The following BACH2 variants were observed in gnomAD, a reference collection of about 807,000 sequenced individuals.
The protein encoded by BACH2 is BACH transcriptional regulator 2.
In BACH2, 5 loss-of-function variants were observed where a neutral mutation model predicts 61.8. The observed-to-expected ratio is 0.08, with a 90% CI of 0.04 to 0.17. The LOEUF is 0.17. BACH2 is among the 10% of genes least tolerant of loss of function. The probability of loss-of-function intolerance (pLI) is 1.00; values close to 1 mark genes in which losing one functional copy is unlikely to be tolerated. For missense variants in BACH2, 824 were observed against 1,091.1 expected (o/e 0.76, Z 3.45); for synonymous variants, 446 against 440.1 (o/e 1.01, Z -0.17).
intron 7 of BACH2, among the ~76,000 whole-genome samples, chr6:89,945,183 A>T (rs1417171982): frequency 6.6e-6 from 1 of 152,240 alleles, no homozygotes; most frequent in African/African-American, 2.4e-5. Context: ...TATGGAAATA[A>T]CTGAAAACAT....
At chr6:90,194,831 A>G (rs538633779) in intron 4 of BACH2, among the ~76,000 whole-genome samples, 21 of 152,296 alleles carry the variant, frequency 1.4e-4, no homozygotes, top group African/African-American at 5.1e-4. Context: ...AGATTAAACT[A>G]TGGGAATCTG....
intron 6 of BACH2, among the ~76,000 whole-genome samples, chr6:89,977,194 GATTT>G (rs913811007): frequency 6.6e-5 from 10 of 151,956 alleles, no homozygotes; most frequent in Non-Finnish European, 1.5e-4. Context: ...GCCCTTCTTG[GATTT>G]ATTTGAAAAA....
chr6:90,236,561 T>C (rs1046343609), intron 3 of BACH2, among the ~76,000 whole-genome samples: 1 of 152,182 alleles, frequency 6.6e-6, no homozygotes, highest in Non-Finnish European at 1.5e-5. Context: ...GTTTTGCCTT[T>C]AGAAAGAACA....
At chr6:90,194,394 T>A (rs1768683281) in intron 4 of BACH2, among the ~76,000 whole-genome samples, 1 of 152,290 alleles carries the variant, frequency 6.6e-6, no homozygotes, top group South Asian at 2.1e-4. Context: ...GAGTTATAGT[T>A]CAAAATACCT....
rs1251920354 is a variant in BACH2, at chr6:90,014,476, T to A, written c.-12-5620A>T. Among the ~76,000 whole-genome samples the A allele has an allele frequency of 8.0e-3, 632 of 78,910 alleles. 3 individuals are homozygous for A. Among genetic ancestry groups the A allele is most frequent in the African/African-American group, 0.033 (568 of 17,060 alleles). 51.8% of individuals were successfully genotyped at this position (78,910 alleles called of 152,430 possible). A position where few individuals can be genotyped will look rare whatever the true frequency, so the allele number is the denominator to read the frequency against. On this transcript the variant is annotated intron_variant, in intron 5 of 8. Transcript: ENST00000257749. ...TATATATATATATATATATTTTTTT[T>A]TTTTTTTTTTTTTTTTTAGACAGAT...
At chr6:90,261,904 TCTC>T (rs1307913711) in intron 2 of BACH2, among the ~76,000 whole-genome samples, 2 of 152,238 alleles carry the variant, frequency 1.3e-5, no homozygotes, top group Non-Finnish European at 2.9e-5. Context: ...AGCACCATCA[TCTC>T]CTTATCTCCC....
chr6:90,126,075 G>A (rs1169941784), intron 4 of BACH2, among the ~76,000 whole-genome samples: 5 of 152,210 alleles, frequency 3.3e-5, no homozygotes, highest in Non-Finnish European at 7.3e-5. Context: ...TGTGGGATAT[G>A]AACAGGTGGA....
chr6:90,286,436 T>C (rs987439503), intron 1 of BACH2, among the ~76,000 whole-genome samples: 1 of 152,220 alleles, frequency 6.6e-6, no homozygotes, highest in African/African-American at 2.4e-5. Flanking sequence ...TGTCTGGAAC[T>C]GAGAATACAT....
At chr6:90,140,932 C>A (rs569969012) in intron 4 of BACH2, among the ~76,000 whole-genome samples, 2 of 152,204 alleles carry the variant, frequency 1.3e-5, no homozygotes, top group Non-Finnish European at 2.9e-5. Context: ...GCCATAGATA[C>A]ACTTAGAGAC....
intron 5 of BACH2, among the ~76,000 whole-genome samples, chr6:90,079,900 A>T (rs973452493): frequency 6.6e-6 from 1 of 151,886 alleles, no homozygotes; most frequent in Non-Finnish European, 1.5e-5. Context: ...TTTTCCAGTT[A>T]GTGTTTGTAC....
chr6:90,192,305 CT>C (rs370512757), intron 4 of BACH2, among the ~76,000 whole-genome samples: 6,718 of 143,164 alleles, frequency 0.047, 213 homozygotes, highest in Admixed American at 0.09. Flanking sequence ...TTCTCGATTC[CT>C]TTTTTTTTTT....
chr6:90,204,337 TGAG>T (rs1220480189), intron 4 of BACH2, among the ~76,000 whole-genome samples: 1 of 152,032 alleles, frequency 6.6e-6, no homozygotes, highest in African/African-American at 2.4e-5. Flanking sequence ...ACACCATAAT[TGAG>T]GAGGAGATTC....
At chr6:90,233,609 G>C (rs1770168256) in intron 3 of BACH2, among the ~76,000 whole-genome samples, 1 of 152,194 alleles carries the variant, frequency 6.6e-6, no homozygotes, top group Admixed American at 6.5e-5. Context: ...GGGTTTATGT[G>C]AGGATTACAT....
At chr6:90,246,319 A>G (rs1770636604) in intron 3 of BACH2, among the ~76,000 whole-genome samples, 1 of 152,224 alleles carries the variant, frequency 6.6e-6, no homozygotes, top group African/African-American at 2.4e-5. Flanking sequence ...TGAAAGTTAT[A>G]AAACATCAAT....
chr6:90,114,319 T>C (rs1205671287), intron 4 of BACH2, among the ~76,000 whole-genome samples: 2 of 152,156 alleles, frequency 1.3e-5, no homozygotes, highest in East Asian at 1.9e-4. Context: ...GAATCCACCA[T>C]AACCAAGTAG....
intron 5 of BACH2, among the ~76,000 whole-genome samples, chr6:90,038,315 C>T (rs911432842): frequency 6.6e-6 from 1 of 152,190 alleles, no homozygotes; most frequent in Non-Finnish European, 1.5e-5. Flanking sequence ...CTCCTTCATG[C>T]CCCATCCCAG....
chr6:90,232,670 T>C (rs1170684754), intron 3 of BACH2, among the ~76,000 whole-genome samples: 4 of 152,240 alleles, frequency 2.6e-5, no homozygotes, highest in Admixed American at 6.5e-5. Context: ...TTTAAACTAA[T>C]GCTAGCCAAT....
intron 2 of BACH2, among the ~76,000 whole-genome samples, chr6:90,256,722 C>T (rs1289887297): frequency 6.6e-6 from 1 of 152,090 alleles, no homozygotes; most frequent in Non-Finnish European, 1.5e-5. Context: ...AGCAAATTAA[C>T]ATATCCATCA....
chr6:90,115,995 T>C (rs1273700927), intron 4 of BACH2, among the ~76,000 whole-genome samples: 2 of 152,094 alleles, frequency 1.3e-5, no homozygotes, highest in Non-Finnish European at 2.9e-5. Flanking sequence ...TGGTTGTTAT[T>C]AAAAAGTCAA....
Sources: allele counts gnomAD v4.1 joint callset (sites outside exome capture counted in the v4.1 genomes callset), GRCh38; gene constraint gnomAD v4.1.1; transcripts MANE v1.5; gene names NCBI Gene and HGNC (gene_info 2026-07-23, HGNC 2026-07-21).